The following ANKRD6 variants were observed in gnomAD, a reference collection of about 807,000 sequenced individuals.
ANKRD6 encodes the protein ankyrin repeat domain 6, also known as ankyrin repeat domain-containing protein 6.
In ANKRD6, 56 loss-of-function variants were observed where a neutral mutation model predicts 82.3. The observed-to-expected ratio is 0.68, with a 90% CI of 0.55 to 0.85. ANKRD6 has a LOEUF of 0.85. Ranked by LOEUF, ANKRD6 falls within the 40% of genes least tolerant of loss-of-function variation. ANKRD6 has a pLI of 0.00. For missense variants in ANKRD6, 852 were observed against 907.6 expected (o/e 0.94, Z 0.79); for synonymous variants, 347 against 352.1 (o/e 0.99, Z 0.16).
chr6:89,630,252 CAAAGTG>C (rs1342763864), intron 15 of ANKRD6, among the ~76,000 whole-genome samples, 175 bp from the exon 16 acceptor site: 4 of 152,056 alleles, frequency 2.6e-5, no homozygotes, highest in Non-Finnish European at 5.9e-5. Context: ...TCAGAGGAGA[CAAAGTG>C]GAAGGGAGGA....
At chr6:89,590,161 G>C (rs891109975) in intron 2 of ANKRD6, among the ~76,000 whole-genome samples, 1 of 152,152 alleles carries the variant, frequency 6.6e-6, no homozygotes, top group Non-Finnish European at 1.5e-5. Context: ...TGAAGATCTG[G>C]GAAGCTGTAG....
intron 2 of ANKRD6, chr6:89,568,299 C>T (rs1031743731): frequency 1.3e-5 from 2 of 152,276 alleles, no homozygotes; most frequent in East Asian, 3.9e-4. Context: ...CTTCTTTGAG[C>T]CTCAGTTTCT....
chr6:89,507,489 G>A (rs1780013130), intron 1 of ANKRD6, among the ~76,000 whole-genome samples: 1 of 152,196 alleles, frequency 6.6e-6, no homozygotes, highest in African/African-American at 2.4e-5. Flanking sequence ...AGTTAATCAA[G>A]TGTCTTTAAT....
At chr6:89,618,469 G>A (rs964176601) in intron 9 of ANKRD6, 8 of 453,238 alleles carry the variant, frequency 1.8e-5, no homozygotes, top group South Asian at 2.6e-5. Flanking sequence ...GCAGATAGTC[G>A]CCTGCCGGAG....
chr6:89,537,188 G>A (rs945198726), intron 1 of ANKRD6, among the ~76,000 whole-genome samples: 2 of 152,040 alleles, frequency 1.3e-5, no homozygotes, highest in African/African-American at 4.8e-5. Flanking sequence ...TTTATCTATT[G>A]TATTTGAATT....
intron 1 of ANKRD6, among the ~76,000 whole-genome samples, chr6:89,462,233 A>AAATAATAATAATAATAAT (rs200608840): frequency 2.8e-5 from 3 of 106,036 alleles, no homozygotes; most frequent in African/African-American, 1.1e-4. Flanking sequence ...CTCCATCTCA[A>AAATAATAATAATAATAAT]AATAATAATA....
At chr6:89,543,983 C>G (rs1784737079) in intron 1 of ANKRD6, among the ~76,000 whole-genome samples, 1 of 152,220 alleles carries the variant, frequency 6.6e-6, no homozygotes, top group South Asian at 2.1e-4. Flanking sequence ...AATACCGTGG[C>G]AGTGTCTCTT....
At chr6:89,485,380 C>G (rs925120155) in intron 1 of ANKRD6, among the ~76,000 whole-genome samples, 3 of 152,184 alleles carry the variant, frequency 2.0e-5, no homozygotes, top group African/African-American at 7.2e-5. Flanking sequence ...TGGGAGAAAT[C>G]TCTACTGTAA....
At chr6:89,499,386 A>T (rs565732786) in intron 1 of ANKRD6, among the ~76,000 whole-genome samples, 1 of 152,102 alleles carries the variant, frequency 6.6e-6, no homozygotes, top group Admixed American at 6.5e-5. Flanking sequence ...AGCTGATTAC[A>T]TGCTTCATTG....
At chr6:89,574,440 T>G (rs1002976287) in intron 2 of ANKRD6, among the ~76,000 whole-genome samples, 4 of 152,198 alleles carry the variant, frequency 2.6e-5, no homozygotes, top group African/African-American at 7.2e-5. Flanking sequence ...AGAGTTTCCA[T>G]AAGCACTAAA....
chr6:89,603,320 ATT>A (rs1229759944), intron 4 of ANKRD6, among the ~76,000 whole-genome samples, 193 bp downstream of exon 4: 3,762 of 114,534 alleles, frequency 0.033, 46 homozygotes, highest in South Asian at 0.11. Flanking sequence ...GCCAATTGTA[ATT>A]TTTTTTTTTT....
At chr6:89,531,925 C>T (rs1479451977) in intron 1 of ANKRD6, among the ~76,000 whole-genome samples, 2 of 152,160 alleles carry the variant, frequency 1.3e-5, no homozygotes, top group African/African-American at 4.8e-5. Flanking sequence ...GTCAATGGTG[C>T]GGTTTGAGTT....
At chr6:89,589,247 A>C (rs138154959) in intron 2 of ANKRD6, among the ~76,000 whole-genome samples, 1 of 152,284 alleles carries the variant, frequency 6.6e-6, no homozygotes, top group East Asian at 1.9e-4. Flanking sequence ...GACCAGGGTC[A>C]TGGCCCTGGG....
chr6:89,532,158 T>A (rs2127991487), intron 1 of ANKRD6, among the ~76,000 whole-genome samples: 2 of 152,326 alleles, frequency 1.3e-5, no homozygotes, highest in East Asian at 3.9e-4. Context: ...TTATTCGGTC[T>A]ATCAATTTAA....
intron 1 of ANKRD6, among the ~76,000 whole-genome samples, chr6:89,485,018 G>A (rs548435858): frequency 6.6e-4 from 100 of 152,292 alleles, no homozygotes; most frequent in Non-Finnish European, 1.2e-3. Context: ...GAACATGTCA[G>A]GTTGCCACAC....
At chr6:89,627,438 T>C (rs1583985516) in intron 13 of ANKRD6, 145 bp from the exon 14 acceptor site, 2 of 611,146 alleles carry the variant, frequency 3.3e-6, no homozygotes, top group East Asian at 2.8e-5. Flanking sequence ...CCATGAGTCC[T>C]ACATGCAAAT....
At position 89,624,572 on chromosome 6, in the gene ANKRD6, A is replaced by G; in HGVS notation, c.1252A>G (p.Ile418Val). The G allele has an allele frequency of 6.4e-7, 1 of 1,554,892 alleles. No individual in the cohort carries two copies. Among genetic ancestry groups the G allele is most frequent in the Non-Finnish European group, 8.7e-7 (1 of 1,148,628 alleles). The part of the protein sequence containing the change: ...PINGCRCEPL[I>V]NKLENQLEAT... ...AAATGGTTGTCGATGTGAACCTCTA[A>G]TCAACAAGCTGGAGAATCAGTTGGA... Residue 418 changes from isoleucine (I) to valine (V), a missense_variant, in exon 13 of 16, where the codon ATC becomes GTC. Ile to Val is a conservative substitution (Grantham distance 29). Transcript: ENST00000339746.
At chr6:89,467,332 A>G (rs1774962606) in intron 1 of ANKRD6, among the ~76,000 whole-genome samples, 1 of 152,052 alleles carries the variant, frequency 6.6e-6, no homozygotes, top group South Asian at 2.1e-4. Flanking sequence ...ATGCTGGGAC[A>G]TTTTTTTCTC....
intron 1 of ANKRD6, among the ~76,000 whole-genome samples, chr6:89,513,397 A>G (rs556252008): frequency 2.0e-5 from 3 of 152,142 alleles, no homozygotes; most frequent in South Asian, 4.2e-4. Context: ...TTCCCCTCCA[A>G]ATCACTCTCT....
Sources: allele counts gnomAD v4.1 joint callset (sites outside exome capture counted in the v4.1 genomes callset), GRCh38; gene constraint gnomAD v4.1.1; transcripts MANE v1.5; gene names NCBI Gene and HGNC (gene_info 2026-07-23, HGNC 2026-07-21).